The following ITGB3BP variants were observed in gnomAD, a reference collection of about 807,000 sequenced individuals.
ITGB3BP encodes the protein centromere protein R.
ITGB3BP carries 27 observed loss-of-function variants against 29.1 expected under a neutral mutation model. That is an observed-to-expected ratio of 0.93 (90% CI 0.68 to 1.28). The LOEUF (loss-of-function observed/expected upper bound fraction) is 1.28, where lower values mean the gene tolerates loss of function less well. Among genes scored for constraint, ITGB3BP ranks in the 50% most tolerant of loss-of-function variants. The probability of loss-of-function intolerance (pLI) is 0.00; values close to 1 mark genes in which losing one functional copy is unlikely to be tolerated. For missense variants in ITGB3BP, 192 were observed against 200.2 expected (o/e 0.96, Z 0.25); for synonymous variants, 61 against 61.4 (o/e 0.99, Z 0.03).
intron 1 of ITGB3BP, among the ~76,000 whole-genome samples, chr1:63,516,531 G>A (rs1002784321): frequency 2.0e-5 from 3 of 151,520 alleles, no homozygotes; most frequent in Admixed American, 1.3e-4. Flanking sequence ...GCAACACAAT[G>A]AGACTCTGTC....
intron 4 of ITGB3BP, among the ~76,000 whole-genome samples, chr1:63,475,997 C>CA (rs71052481): frequency 0.4 from 41,628 of 104,176 alleles, 8,873 homozygotes; most frequent in Non-Finnish European, 0.53. Context: ...GACACTGTCT[C>CA]AAAAAAAAAA....
intron 1 of ITGB3BP, chr1:63,522,906 A>G (rs1193801584): frequency 1.4e-6 from 1 of 723,952 alleles, no homozygotes; most frequent in East Asian, 2.6e-5. Flanking sequence ...GAAATCTGTC[A>G]AAAGCATCGT....
At chr1:63,500,681 C>A (rs772556290) in intron 2 of ITGB3BP, among the ~76,000 whole-genome samples, 1 of 152,106 alleles carries the variant, frequency 6.6e-6, no homozygotes, top group Non-Finnish European at 1.5e-5. Flanking sequence ...GGATGACTTA[C>A]TATTATTGTT....
chr1:63,444,247 G>A (rs1025116252), intron 8 of ITGB3BP, among the ~76,000 whole-genome samples: 2 of 151,992 alleles, frequency 1.3e-5, no homozygotes, highest in Admixed American at 1.3e-4. Flanking sequence ...TGAATTCCCT[G>A]TAAGTTTATT....
intron 8 of ITGB3BP, among the ~76,000 whole-genome samples, chr1:63,444,549 T>C (rs2100464488): frequency 1.4e-5 from 2 of 147,384 alleles, no homozygotes; most frequent in South Asian, 2.1e-4. Flanking sequence ...ATATTACATA[T>C]AGGACATATA....
At chr1:63,495,126 G>A (rs1289606325) in intron 2 of ITGB3BP, among the ~76,000 whole-genome samples, 1 of 152,060 alleles carries the variant, frequency 6.6e-6, no homozygotes, top group Non-Finnish European at 1.5e-5. Flanking sequence ...TTATGGTTTG[G>A]CTTTACTTTA....
chr1:63,442,530 G>C (rs939639076), intron 8 of ITGB3BP: 5 of 152,178 alleles, frequency 3.3e-5, no homozygotes, highest in Non-Finnish European at 7.3e-5. Context: ...AAAAGATCCA[G>C]CTTTTAGGTT....
chr1:63,474,256 C>T (rs1378756045), intron 4 of ITGB3BP, among the ~76,000 whole-genome samples: 12 of 138,326 alleles, frequency 8.7e-5, no homozygotes, highest in African/African-American at 2.1e-4. Context: ...CCAGCCGCCC[C>T]GTCCGGGAGG....
intron 2 of ITGB3BP, among the ~76,000 whole-genome samples, chr1:63,500,047 T>A (rs1645886122): frequency 6.6e-6 from 1 of 152,132 alleles, no homozygotes; most frequent in Non-Finnish European, 1.5e-5. Context: ...AGTAAAACTA[T>A]CCCTACTTGC....
rs191265599 is a variant in ITGB3BP at position 63,492,434 on chromosome 1, C to T, written c.49-2216G>A. On this transcript the variant is annotated intron_variant, in intron 2 of 8. Transcript: ENST00000271002. ...TACTGGTACACACAAAGGCATAACC[C>T]TACTTCCCTAAGTTTTCTTTCCCTC... Among the ~76,000 whole-genome samples the T allele has an allele frequency of 4.8e-4, 73 of 152,234 alleles. 1 individual carries two copies. The highest frequency in any genetic ancestry group is 1.5e-5 in the Non-Finnish European group (1 of 68,004).
At chr1:63,446,716 A>G in intron 8 of ITGB3BP, 90 bp downstream of exon 8, 1 of 925,474 alleles carries the variant, frequency 1.1e-6, no homozygotes, top group South Asian at 1.4e-5. Flanking sequence ...GACAATACCA[A>G]ATCTGATAAT....
chr1:63,510,460 G>C (rs1646176103), intron 1 of ITGB3BP, among the ~76,000 whole-genome samples: 1 of 152,148 alleles, frequency 6.6e-6, no homozygotes, highest in Non-Finnish European at 1.5e-5. Context: ...TAGTAAACAA[G>C]AAAGTAAGCT....
intron 2 of ITGB3BP, among the ~76,000 whole-genome samples, chr1:63,497,635 C>T (rs1645821519): frequency 6.6e-6 from 1 of 152,114 alleles, no homozygotes. Flanking sequence ...AAATGTATGT[C>T]AAAGTGGCCA....
intron 3 of ITGB3BP, among the ~76,000 whole-genome samples, chr1:63,489,210 G>T (rs1645593523): frequency 6.6e-6 from 1 of 151,894 alleles, no homozygotes. Flanking sequence ...CTCATTATGT[G>T]TTACATTATA....
chr1:63,486,394 C>T (rs989543941), intron 3 of ITGB3BP, among the ~76,000 whole-genome samples: 1 of 151,946 alleles, frequency 6.6e-6, no homozygotes, highest in Non-Finnish European at 1.5e-5. Flanking sequence ...CTTGACTCCC[C>T]AAAAACTTAA....
chr1:63,445,683 C>T (rs919765998), intron 8 of ITGB3BP, among the ~76,000 whole-genome samples: 2 of 151,770 alleles, frequency 1.3e-5, no homozygotes, highest in Non-Finnish European at 2.9e-5. Context: ...CAGCCTCTAC[C>T]ACGTGGGCTC....
At chr1:63,449,059 A>G (rs765896908) in intron 7 of ITGB3BP, among the ~76,000 whole-genome samples, 2 of 152,178 alleles carry the variant, frequency 1.3e-5, no homozygotes, top group Non-Finnish European at 2.9e-5. Flanking sequence ...TTATGTTTCA[A>G]AGAAAATATA....
Position 63,447,017 on chromosome 1 carries a change from C to T in ITGB3BP, c.485-161G>A, listed in dbSNP as rs1570113843. 7 of 591,308 alleles carry T rather than the reference C, an allele frequency of 1.2e-5. No individual in the cohort carries two copies. The East Asian group carries it at 2.0e-4, about 17-fold the overall frequency. 36.6% of individuals were successfully genotyped at this position (591,308 alleles called of 1,614,324 possible). On this transcript the variant is annotated intron_variant, in intron 7 of 8. Transcript: ENST00000271002. The stretch of plus-strand genomic sequence containing the variant: ...CTAAGGCTATAAATTCTCATTTCAA[C>T]ATGCTATAGTTAGCCTGATTCTATT...
At chr1:63,483,804 C>CT in intron 3 of ITGB3BP, among the ~76,000 whole-genome samples, 1 of 152,144 alleles carries the variant, frequency 6.6e-6, no homozygotes, top group Non-Finnish European at 1.5e-5. Flanking sequence ...TTTAAATACA[C>CT]CAATACCATT....
Sources: gnomAD v4.1 joint callset for allele counts (sites outside exome capture counted in the v4.1 genomes callset) on GRCh38, gnomAD v4.1.1 for gene constraint, MANE v1.5 for transcripts, NCBI Gene and HGNC (gene_info 2026-07-23, HGNC 2026-07-21) for gene names.